The following CAP1 variants were observed in gnomAD, a reference collection of about 807,000 sequenced individuals.
The protein encoded by CAP1 is cyclase associated actin cytoskeleton regulatory protein 1.
A neutral mutation model predicts 58.2 loss-of-function variants in CAP1; 11 were observed. That is an observed-to-expected ratio of 0.19 (90% CI 0.12 to 0.31). The LOEUF is 0.31. Among genes scored for constraint, CAP1 ranks in the 10% least tolerant of loss-of-function variants. CAP1 has a pLI of 1.00. For missense variants in CAP1, 423 were observed against 587.5 expected (o/e 0.72, Z 2.89); for synonymous variants, 183 against 213.8 (o/e 0.86, Z 1.26).
chr1:40,053,736 C>G (rs191866429), intron 1 of CAP1, among the ~76,000 whole-genome samples: 1 of 152,164 alleles, frequency 6.6e-6, no homozygotes, highest in African/African-American at 2.4e-5. Context: ...CATGAGCCAC[C>G]GTGCCTGGCC....
At chr1:40,069,533 G>T in intron 8 of CAP1, 157 bp from the exon 9 acceptor site, 1 of 656,754 alleles carries the variant, frequency 1.5e-6, no homozygotes, top group South Asian at 1.9e-5. Context: ...GGGGAGAAGA[G>T]AAATGATAAA....
chr1:40,064,138 C>T, intron 4 of CAP1, 89 bp from the exon 5 acceptor site: 2 of 1,280,042 alleles, frequency 1.6e-6, no homozygotes, highest in East Asian at 2.3e-5. Flanking sequence ...CACTAGAGTC[C>T]ATAGAGAATT....
At chr1:40,046,156 A>AT (rs1646088665) in intron 1 of CAP1, among the ~76,000 whole-genome samples, 1 of 152,164 alleles carries the variant, frequency 6.6e-6, no homozygotes, top group South Asian at 2.1e-4. Flanking sequence ...ACTATCATTT[A>AT]TTTTAAAGTT....
At chr1:40,041,056 C>A (rs969804326) in intron 1 of CAP1, 4 of 152,548 alleles carry the variant, frequency 2.6e-5, no homozygotes, top group African/African-American at 9.6e-5. Context: ...CAGCGGAGGC[C>A]TGATTCCTGA....
intron 1 of CAP1, among the ~76,000 whole-genome samples, chr1:40,057,048 T>G (rs970987985): frequency 2.6e-5 from 4 of 152,186 alleles, no homozygotes; most frequent in African/African-American, 9.7e-5. Flanking sequence ...AGCCTATAAA[T>G]ACAAATGAAA....
Position 40,064,258 on chromosome 1 carries a change from C to T in CAP1, c.326C>T (p.Ser109Leu), listed in dbSNP as rs1346412360. 7 of 1,614,060 alleles carry T rather than the reference C, an allele frequency of 4.3e-6. No homozygotes were observed. The Admixed American group carries it at 1.2e-4, about 27-fold the overall frequency. Residue 109 changes from serine to leucine, a missense_variant, in exon 5 of 13, where the codon TCA becomes TTA. Physicochemically the swap from Ser to Leu is moderately radical, Grantham distance 145 (BLOSUM62 -2). Transcript: ENST00000372805. ...CTTTCCGATTTGTTGGCACCCATCT[C>T]AGAGCAGATCAAAGAAGTGATAACC... ...NKLSDLLAPI[S>L]EQIKEVITFR...
intron 1 of CAP1, among the ~76,000 whole-genome samples, chr1:40,042,687 T>C (rs1645894337): frequency 6.6e-6 from 1 of 152,204 alleles, no homozygotes; most frequent in African/African-American, 2.4e-5. Flanking sequence ...TCGTCAGATT[T>C]ATATTTCAGA....
chr1:40,043,962 G>T (rs1002908278), intron 1 of CAP1, among the ~76,000 whole-genome samples: 1 of 152,174 alleles, frequency 6.6e-6, no homozygotes, highest in African/African-American at 2.4e-5. Context: ...TCTCAGAGAA[G>T]TTTAAATAAA....
intron 1 of CAP1, among the ~76,000 whole-genome samples, chr1:40,049,250 G>C (rs945882021): frequency 7.0e-6 from 1 of 143,318 alleles, no homozygotes; most frequent in Admixed American, 7.3e-5. Context: ...GCAGTGGCGC[G>C]ATCTCGGCTC....
At chr1:40,062,707 G>A (rs575029157) in intron 4 of CAP1, among the ~76,000 whole-genome samples, 1 of 152,132 alleles carries the variant, frequency 6.6e-6, no homozygotes, top group East Asian at 1.9e-4. Flanking sequence ...TGAGGATGCA[G>A]TGAGCCATGA....
intron 3 of CAP1, among the ~76,000 whole-genome samples, chr1:40,060,882 G>A (rs1646820544): frequency 6.6e-6 from 1 of 152,032 alleles, no homozygotes; most frequent in Admixed American, 6.6e-5. Flanking sequence ...CTAGAGAGTG[G>A]GACTGGGACT....
intron 7 of CAP1, 42 bp from the exon 8 acceptor site, chr1:40,067,498 G>A (rs1029843034): frequency 6.5e-7 from 1 of 1,547,824 alleles, no homozygotes; most frequent in African/African-American, 1.4e-5. Context: ...GTACAGAGGG[G>A]AGCAGAGAGG....
At chr1:40,053,112 T>C (rs1365183969) in intron 1 of CAP1, among the ~76,000 whole-genome samples, 1 of 152,160 alleles carries the variant, frequency 6.6e-6, no homozygotes, top group Non-Finnish European at 1.5e-5. Context: ...TAGTCCCAGC[T>C]ACTCGGGAAG....
Position 40,053,730 on chromosome 1 carries a change from A to G in CAP1, c.-10-5607A>G, listed in dbSNP as rs370615592. ...CCAAAGTGCTGTGATTACAGGCATG[A>G]GCCACCGTGCCTGGCCATCTGGCAA... On this transcript the variant is annotated intron_variant, in intron 1 of 12. Coordinates refer to ENST00000372805, the MANE Select transcript of CAP1 (RefSeq NM_006367.4). 2.2e-4 allele frequency among the ~76,000 whole-genome samples: 33 copies of G among 152,302 alleles called. No individual in the cohort carries two copies. In the East Asian group the frequency reaches 5.8e-3, roughly 27 times the overall value.
intron 4 of CAP1, 119 bp from the exon 5 acceptor site, chr1:40,064,108 A>G (rs760923892): frequency 2.0e-5 from 17 of 869,154 alleles, no homozygotes; most frequent in Non-Finnish European, 3.2e-5. Flanking sequence ...GACAGGACTC[A>G]TGCAGTTTAT....
chr1:40,067,631 C>G lies in CAP1; in HGVS notation c.722C>G (p.Pro241Arg). 6.4e-7 allele frequency: 1 copy of G among 1,573,898 alleles called. No homozygotes were observed. The highest frequency in any genetic ancestry group is 1.4e-5 in the African/African-American group (1 of 73,282). ...PPPPPCPPPP[P>R]VSTISCSYES... ...CCTCCACCATGCCCCCCTCCTCCCCCAGTCTCTACCATTTCATGCTCATAT... is the reference window on the plus strand; with the variant it reads ...CCTCCACCATGCCCCCCTCCTCCCCGAGTCTCTACCATTTCATGCTCATAT... Residue 241 changes from proline to arginine, a missense_variant, in exon 8 of 13, where the codon CCA becomes CGA. Pro to Arg is a moderately radical substitution (Grantham distance 103). Transcript: ENST00000372805.
intron 10 of CAP1, 69 bp downstream of exon 10, chr1:40,070,351 A>AC: frequency 1.2e-6 from 2 of 1,609,168 alleles, no homozygotes; most frequent in South Asian, 2.2e-5. Context: ...CATTTTACCT[A>AC]CCCTATCCTT....
chr1:40,041,083 G>A (rs927870464), intron 1 of CAP1: 10 of 152,372 alleles, frequency 6.6e-5, no homozygotes, highest in African/African-American at 2.4e-4. Context: ...CTGACTGGAA[G>A]GAACCTCCGA....
chr1:40,057,012 G>A lies in CAP1; in HGVS notation c.-10-2325G>A, dbSNP rs568219267. The stretch of plus-strand genomic sequence containing the variant: ...TTTCATTCTGCTTAAGTCAGACAGC[G>A]GAACTTTAGCTTGTTTAGCAGTGAA... On this transcript the variant is annotated intron_variant, in intron 1 of 12. Transcript: ENST00000372805. Among the ~76,000 whole-genome samples the A allele has an allele frequency of 9.1e-4, 139 of 152,188 alleles. 1 individual carries two copies. The highest frequency in any genetic ancestry group is 3.0e-3 in the African/African-American group (125 of 41,540).
Sources: allele counts gnomAD v4.1 joint callset (sites outside exome capture counted in the v4.1 genomes callset), GRCh38; gene constraint gnomAD v4.1.1; transcripts MANE v1.5; gene names NCBI Gene and HGNC (gene_info 2026-07-23, HGNC 2026-07-21).